Variants in CSMD1 observed in about 807,000 individuals in gnomAD.
CSMD1 encodes CUB and sushi domain-containing protein 1.
CSMD1 carries 213 observed loss-of-function variants against 417.5 expected under a neutral mutation model. That is an observed-to-expected ratio of 0.51 (90% CI 0.46 to 0.57). The LOEUF is 0.57. Among genes scored for constraint, CSMD1 ranks in the 20% least tolerant of loss-of-function variants. The pLI is 0.00. For missense variants in CSMD1, 6,923 were observed against 4,529.7 expected (o/e 1.53, Z -15.17); for synonymous variants, 2,862 against 1,736.8 (o/e 1.65, Z -16.11).
rs563608301 is a variant in CSMD1 at position 4,192,691 on chromosome 8, T to C, written c.416-160592A>G. Among the ~76,000 whole-genome samples the C allele has an allele frequency of 1.3e-5, 2 of 152,332 alleles. 1 individual carries two copies. The highest frequency in any genetic ancestry group is 4.1e-4 in the South Asian group (2 of 4,832). ...AATCTGCACTTAAATCTTAAATCTGTATTGCTCACCAACATGTCGGGTATG... is the reference window on the plus strand; with the variant it reads ...AATCTGCACTTAAATCTTAAATCTGCATTGCTCACCAACATGTCGGGTATG... On this transcript the variant is annotated intron_variant, in intron 3 of 69. Transcript: ENST00000635120.
chr8:3,324,109 C>A (rs2406353), intron 23 of CSMD1, among the ~76,000 whole-genome samples: 2,692 of 142,564 alleles, frequency 0.019, 85 homozygotes, highest in East Asian at 0.07. Flanking sequence ...TTTCCTTCAC[C>A]CCACCTTTCA....
chr8:4,445,089 C>A (rs1017173680), intron 2 of CSMD1, among the ~76,000 whole-genome samples: 1 of 152,164 alleles, frequency 6.6e-6, no homozygotes, highest in Admixed American at 6.5e-5. Context: ...TAACATGTTA[C>A]TTCTCTGAAC....
chr8:3,744,420 A>G (rs936469815), intron 6 of CSMD1, among the ~76,000 whole-genome samples: 1 of 152,226 alleles, frequency 6.6e-6, no homozygotes, highest in Non-Finnish European at 1.5e-5. Flanking sequence ...GTTTTATTCC[A>G]TAGAAAGATT....
At chr8:4,781,230 G>C (rs942676807) in intron 1 of CSMD1, among the ~76,000 whole-genome samples, 1 of 152,172 alleles carries the variant, frequency 6.6e-6, no homozygotes, top group African/African-American at 2.4e-5. Context: ...ATGTGGTGAG[G>C]CACAATGGCT....
intron 3 of CSMD1, among the ~76,000 whole-genome samples, chr8:4,067,562 A>T (rs1186805520): frequency 6.6e-6 from 1 of 152,178 alleles, no homozygotes; most frequent in East Asian, 1.9e-4. Flanking sequence ...TAAAGCCAGA[A>T]TAAGTTTCAA....
intron 49 of CSMD1, among the ~76,000 whole-genome samples, chr8:3,073,679 G>A (rs1035844024): frequency 2.0e-5 from 3 of 151,838 alleles, no homozygotes; most frequent in Non-Finnish European, 4.4e-5. Context: ...ACATATGACT[G>A]ACAAGTGGCT....
intron 49 of CSMD1, among the ~76,000 whole-genome samples, chr8:3,086,789 G>A (rs2129005952): frequency 6.6e-6 from 1 of 152,206 alleles, no homozygotes; most frequent in African/African-American, 2.4e-5. Flanking sequence ...TAATACAATG[G>A]TAAAGAAAAA....
rs202049699 is a variant in CSMD1 at position 4,009,806 on chromosome 8, C to CT, written c.611-11697dup. Among the ~76,000 whole-genome samples the CT allele has an allele frequency of 5.3e-4, 81 of 152,224 alleles. 1 individual carries two copies. In the East Asian group the frequency reaches 0.013, roughly 25 times the overall value. On this transcript the variant is annotated intron_variant, in intron 4 of 69. Transcript: ENST00000635120. The stretch of plus-strand genomic sequence containing the variant: ...CATGGACCATTCCTGCTCCATCCCC[C>CT]TCCCTCCTGTTCTCAGAGAGTCAAC...
intron 1 of CSMD1, among the ~76,000 whole-genome samples, chr8:4,711,016 C>CATCTAGTTAGCAACT (rs1808258654): frequency 6.6e-6 from 1 of 151,894 alleles, no homozygotes; most frequent in African/African-American, 2.4e-5. Flanking sequence ...CAGATGTGCC[C>CATCTAGTTAGCAACT]AGGCCTTTTC....
At chr8:4,919,759 C>A (rs1806311717) in intron 1 of CSMD1, among the ~76,000 whole-genome samples, 1 of 152,166 alleles carries the variant, frequency 6.6e-6, no homozygotes, top group Non-Finnish European at 1.5e-5. Flanking sequence ...AGTGATTAGC[C>A]TGTGATGGCT....
chr8:4,118,431 G>T (rs897232792), intron 3 of CSMD1, among the ~76,000 whole-genome samples: 1 of 151,534 alleles, frequency 6.6e-6, no homozygotes. Flanking sequence ...AGTATACAAA[G>T]GATATGGACA....
At chr8:3,399,773 G>T (rs952442064) in intron 15 of CSMD1, among the ~76,000 whole-genome samples, 1 of 152,128 alleles carries the variant, frequency 6.6e-6, no homozygotes, top group Non-Finnish European at 1.5e-5. Flanking sequence ...TAATGTATAC[G>T]TGAGTTCTCT....
At chr8:3,003,152 A>T (rs1045445423) in intron 52 of CSMD1, among the ~76,000 whole-genome samples, 6 of 152,160 alleles carry the variant, frequency 3.9e-5, no homozygotes, top group Non-Finnish European at 7.3e-5. Flanking sequence ...ATAACCACAC[A>T]ATTTCACTCA....
At chr8:3,929,597 G>A (rs1262947421) in intron 5 of CSMD1, among the ~76,000 whole-genome samples, 1 of 150,440 alleles carries the variant, frequency 6.6e-6, no homozygotes, top group East Asian at 1.9e-4. Context: ...AAATAAATGT[G>A]GCTGCATTAT....
chr8:3,571,015 G>A (rs1341646856), intron 10 of CSMD1, among the ~76,000 whole-genome samples: 2 of 152,146 alleles, frequency 1.3e-5, no homozygotes, highest in Non-Finnish European at 2.9e-5. Flanking sequence ...GTATAATCTG[G>A]ATTTAAATGA....
At chr8:3,597,271 G>A (rs1057079646) in intron 8 of CSMD1, among the ~76,000 whole-genome samples, 2 of 152,154 alleles carry the variant, frequency 1.3e-5, no homozygotes, top group African/African-American at 2.4e-5. Context: ...CGGTGAGACA[G>A]AGCATCTCCC....
chr8:4,870,343 T>G (rs1042403883), intron 1 of CSMD1, among the ~76,000 whole-genome samples: 6 of 152,106 alleles, frequency 3.9e-5, no homozygotes, highest in Admixed American at 3.3e-4. Flanking sequence ...ACAATCATAT[T>G]TTTATGCACT....
At chr8:3,864,630 C>T (rs1055556573) in intron 5 of CSMD1, among the ~76,000 whole-genome samples, 1 of 152,114 alleles carries the variant, frequency 6.6e-6, no homozygotes. Context: ...AACCCCATCC[C>T]ACAACAGGCC....
At chr8:3,253,293 A>T (rs1175354305) in intron 26 of CSMD1, among the ~76,000 whole-genome samples, 1 of 152,104 alleles carries the variant, frequency 6.6e-6, no homozygotes, top group Non-Finnish European at 1.5e-5. Flanking sequence ...TTTACCCAGT[A>T]GTCACTCAGG....
Sources: allele counts gnomAD v4.1 joint callset (sites outside exome capture counted in the v4.1 genomes callset), GRCh38; gene constraint gnomAD v4.1.1; transcripts MANE v1.5; gene names NCBI Gene and HGNC (gene_info 2026-07-23, HGNC 2026-07-21).